The following NR6A1 variants were observed in gnomAD, a reference collection of about 807,000 sequenced individuals.
The protein encoded by NR6A1 is retinoic acid receptor-related testis-associated receptor.
Under a neutral mutation model 59.1 loss-of-function variants are expected in NR6A1, and 7 were observed. The observed-to-expected ratio is 0.12, with a 90% CI of 0.07 to 0.22. The LOEUF (loss-of-function observed/expected upper bound fraction) is 0.22, where lower values mean the gene tolerates loss of function less well. NR6A1 is among the 10% of genes least tolerant of loss of function. The probability of loss-of-function intolerance (pLI) is 1.00; values close to 1 mark genes in which losing one functional copy is unlikely to be tolerated. For missense variants in NR6A1, 468 were observed against 611.6 expected (o/e 0.77, Z 2.48); for synonymous variants, 243 against 236.1 (o/e 1.03, Z -0.27).
chr9:124,543,624 A>C (rs1363451059), intron 4 of NR6A1, among the ~76,000 whole-genome samples, 178 bp downstream of exon 4: 1 of 152,188 alleles, frequency 6.6e-6, no homozygotes, highest in Non-Finnish European at 1.5e-5. Context: ...TCATTAACTT[A>C]CATATTTAAG....
At chr9:124,707,139 C>T (rs1839156595) in intron 2 of NR6A1, among the ~76,000 whole-genome samples, 1 of 152,164 alleles carries the variant, frequency 6.6e-6, no homozygotes, top group African/African-American at 2.4e-5. Context: ...AGTCTCATTA[C>T]ATACACACTT....
intron 2 of NR6A1, among the ~76,000 whole-genome samples, chr9:124,662,382 G>C (rs1837466126): frequency 6.6e-6 from 1 of 152,138 alleles, no homozygotes; most frequent in Admixed American, 6.6e-5. Flanking sequence ...CTAGCTAGAT[G>C]ATATTAGGCA....
intron 3 of NR6A1, among the ~76,000 whole-genome samples, chr9:124,544,123 C>T (rs1215309802): frequency 6.6e-6 from 1 of 152,240 alleles, no homozygotes; most frequent in Non-Finnish European, 1.5e-5. Flanking sequence ...GGTGATAGCA[C>T]TGCTCACTAG....
At chr9:124,548,209 T>C (rs80188773) in intron 3 of NR6A1, among the ~76,000 whole-genome samples, 551 of 152,162 alleles carry the variant, frequency 3.6e-3, no homozygotes, top group Non-Finnish European at 6.1e-3. Context: ...ATGTTAACAA[T>C]TGGTGAATTT....
At chr9:124,654,881 C>CACAG (rs1384111530) in intron 2 of NR6A1, among the ~76,000 whole-genome samples, 1 of 146,096 alleles carries the variant, frequency 6.8e-6, no homozygotes, top group African/African-American at 2.6e-5. Flanking sequence ...TTTGTACACA[C>CACAG]ACACACACAC....
At chr9:124,561,073 T>C (rs534784551) in intron 2 of NR6A1, among the ~76,000 whole-genome samples, 1 of 152,252 alleles carries the variant, frequency 6.6e-6, no homozygotes, top group East Asian at 1.9e-4. Context: ...CACTTAGATG[T>C]ACCTCTGTTT....
chr9:124,599,486 G>A, intron 2 of NR6A1: 1 of 486,284 alleles, frequency 2.1e-6, no homozygotes, highest in Non-Finnish European at 4.0e-6. Context: ...CTCAGGAAGA[G>A]AAACTACTGG....
chr9:124,701,041 A>G (rs1382037383), intron 2 of NR6A1, among the ~76,000 whole-genome samples: 1 of 152,156 alleles, frequency 6.6e-6, no homozygotes, highest in East Asian at 1.9e-4. Flanking sequence ...GATTACAGGC[A>G]TGAGCCACCA....
At position 124,704,814 on chromosome 9, in the gene NR6A1, C is replaced by T. The variant is rs1839076779; in HGVS notation, c.142+28494G>A. ...AGTGCAGTGGCACAATTAAGGCTCA[C>T]TGCAGCCTCGAACTCCCAGGCCCAG... On this transcript the variant is annotated intron_variant, in intron 2 of 9. Coordinates refer to ENST00000487099, the MANE Select transcript of NR6A1 (RefSeq NM_033334.4). Among the ~76,000 whole-genome samples the T allele has an allele frequency of 2.6e-5, 4 of 152,202 alleles. No individual in the cohort carries two copies. The South Asian group carries it at 6.2e-4, about 24-fold the overall frequency.
chr9:124,546,979 T>C (rs894367172), intron 3 of NR6A1, among the ~76,000 whole-genome samples: 8 of 152,254 alleles, frequency 5.3e-5, no homozygotes, highest in African/African-American at 1.7e-4. Flanking sequence ...GATCTTCTGA[T>C]TCTAAAGCTG....
intron 1 of NR6A1, among the ~76,000 whole-genome samples, chr9:124,767,969 G>A (rs1240034861): frequency 6.6e-6 from 1 of 152,148 alleles, no homozygotes; most frequent in Non-Finnish European, 1.5e-5. Context: ...AAAGGGAGCA[G>A]TCCTCTATTA....
At chr9:124,666,600 A>T (rs1837628802) in intron 2 of NR6A1, among the ~76,000 whole-genome samples, 2 of 152,188 alleles carry the variant, frequency 1.3e-5, no homozygotes, top group South Asian at 4.1e-4. Context: ...TTCTAATACC[A>T]TTACATTTTG....
Position 124,743,196 on chromosome 9 carries a change from A to T in NR6A1, c.101-9847T>A, listed in dbSNP as rs550672035. Among the ~76,000 whole-genome samples the T allele has an allele frequency of 6.0e-4, 91 of 152,326 alleles. 1 individual carries two copies. In the South Asian group the frequency reaches 0.018, roughly 31 times the overall value. On this transcript the variant is annotated intron_variant, in intron 1 of 9. Transcript: ENST00000487099. ...CACTTTTCTTGGATTGGCTGATTAA[A>T]TTCACACCTGCCTCTTGCTTTTCTA...
chr9:124,674,558 A>T (rs2130976419), intron 2 of NR6A1, among the ~76,000 whole-genome samples: 1 of 152,340 alleles, frequency 6.6e-6, no homozygotes, highest in South Asian at 2.1e-4. Context: ...ATAAAGTCCT[A>T]AAAATAAAAC....
chr9:124,524,086 T>C (rs1376916842), intron 9 of NR6A1, among the ~76,000 whole-genome samples: 4 of 152,170 alleles, frequency 2.6e-5, no homozygotes, highest in Non-Finnish European at 5.9e-5. Flanking sequence ...ATAAAATTCC[T>C]CTGCAAATAC....
intron 2 of NR6A1, among the ~76,000 whole-genome samples, chr9:124,628,123 A>T (rs746703432): frequency 2.6e-5 from 4 of 151,640 alleles, no homozygotes; most frequent in Non-Finnish European, 4.4e-5. Flanking sequence ...CGCCTCCTGG[A>T]TTTAAGTGAT....
intron 2 of NR6A1, among the ~76,000 whole-genome samples, chr9:124,667,544 C>T (rs777227654): frequency 3.3e-5 from 5 of 152,130 alleles, no homozygotes; most frequent in Non-Finnish European, 5.9e-5. Flanking sequence ...AGATCACTGT[C>T]CTCACACAGA....
Position 124,675,868 on chromosome 9 carries a change from C to T in NR6A1, c.142+57440G>A, listed in dbSNP as rs528578798. 3.0e-4 allele frequency among the ~76,000 whole-genome samples: 45 copies of T among 152,248 alleles called. 1 individual carries two copies. Among genetic ancestry groups the T allele is most frequent in the African/African-American group, 8.9e-4 (37 of 41,528 alleles). ...CTGGATTTGCTCCTCTGGCTTCAAG[C>T]GTTCTCCAAGAGAGGCTAGGAAAAA... On this transcript the variant is annotated intron_variant, in intron 2 of 9. Transcript: ENST00000487099.
intron 2 of NR6A1, among the ~76,000 whole-genome samples, chr9:124,561,899 G>T (rs192819528): frequency 6.6e-6 from 1 of 152,248 alleles, no homozygotes; most frequent in East Asian, 1.9e-4. Flanking sequence ...GTGACAGAGT[G>T]AGACTCCGTC....
Sources: gnomAD v4.1 joint callset for allele counts (sites outside exome capture counted in the v4.1 genomes callset) on GRCh38, gnomAD v4.1.1 for gene constraint, MANE v1.5 for transcripts, NCBI Gene and HGNC (gene_info 2026-07-23, HGNC 2026-07-21) for gene names.